The following GOLGA3 variants were observed in gnomAD, a reference collection of about 807,000 sequenced individuals.
The protein encoded by GOLGA3 is golgin subfamily A member 3.
In GOLGA3, 75 loss-of-function variants were observed where a neutral mutation model predicts 169.4. The ratio of observed to expected loss-of-function variants is 0.44; its 90% CI spans 0.37 to 0.54. The LOEUF is 0.54. Among genes scored for constraint, GOLGA3 ranks in the 20% least tolerant of loss-of-function variants. The pLI is 0.00. For missense variants in GOLGA3, 1,899 were observed against 1,930.0 expected (o/e 0.98, Z 0.30); for synonymous variants, 824 against 822.4 (o/e 1.00, Z -0.03).
At chr12:132,825,123 T>TG (rs1226548398) in intron 1 of GOLGA3, among the ~76,000 whole-genome samples, 3 of 152,162 alleles carry the variant, frequency 2.0e-5, no homozygotes, top group Non-Finnish European at 4.4e-5. Context: ...AAAGAAAACT[T>TG]GCGTTTTGCT....
chr12:132,774,428 C>T, intron 22 of GOLGA3, 108 bp from the exon 23 acceptor site: 1 of 1,299,296 alleles, frequency 7.7e-7, no homozygotes, highest in Non-Finnish European at 1.1e-6. Context: ...GACGTGGGGC[C>T]TCTGGGAAGG....
chr12:132,804,989 G>C lies in GOLGA3; in HGVS notation c.1324C>G (p.Leu442Val). Residue 442 changes from leucine to valine, a missense_variant, in exon 7 of 24, where the codon CTG becomes GTG. Leu to Val is a conservative substitution (Grantham distance 32, BLOSUM62 1). Transcript: ENST00000450791. The surrounding 1 kb of genome is among the most constrained non-coding windows in gnomAD (Gnocchi z 4.1). The stretch of plus-strand genomic sequence containing the variant: ...TGCAGCTTCGTGCTGAGGGCGGCCA[G>C]CTGGGCCTGCAGCTCAGCCTTCTCT... ...LKEKAELQAQ[L>V]AALSTKLQAQ... is the part of the protein sequence containing the mutation. 6.2e-7 allele frequency: 1 copy of C among 1,611,460 alleles called. No individual in the cohort carries two copies. Among genetic ancestry groups the C allele is most frequent in the Non-Finnish European group, 8.5e-7 (1 of 1,179,802 alleles).
chr12:132,808,481 T>C lies in GOLGA3; in HGVS notation c.588A>G (p.Glu196=). 1 of 1,614,032 alleles carries C rather than the reference T, an allele frequency of 6.2e-7. No individual in the cohort carries two copies. The highest frequency in any genetic ancestry group is 8.5e-7 in the Non-Finnish European group (1 of 1,179,936). The change falls in exon 5 of 24, where the codon GAA becomes GAG. Residue 196 remains glutamate, a synonymous_variant. Transcript: ENST00000450791. The part of the protein sequence containing the change: ...TLDPELMLNP[E]NLPRASTLAM... ...CCAGGGTACTGGCCCTTGGTAAGTTTTCTGGGTTTAACATGAGCTCAGGAT... is the reference window on the plus strand; with the variant it reads ...CCAGGGTACTGGCCCTTGGTAAGTTCTCTGGGTTTAACATGAGCTCAGGAT...
chr12:132,813,008 G>A (rs1949790811), intron 4 of GOLGA3, among the ~76,000 whole-genome samples: 1 of 152,216 alleles, frequency 6.6e-6, no homozygotes, highest in Non-Finnish European at 1.5e-5. Flanking sequence ...GTAAACTACA[G>A]TAGCGTATAC....
chr12:132,822,789 G>A (rs1950270721), intron 1 of GOLGA3, among the ~76,000 whole-genome samples: 1 of 152,172 alleles, frequency 6.6e-6, no homozygotes, highest in Admixed American at 6.5e-5. Context: ...GGGTGTGGTG[G>A]TGAACACCTG....
rs770231058 is a variant in GOLGA3 at position 132,786,696 on chromosome 12, C to T, written c.2903G>A (p.Arg968Gln). Residue 968 changes from arginine to glutamine, a missense_variant, in exon 14 of 24, where the codon CGG (arginine) becomes CAG (glutamine). Arg to Gln is a conservative substitution (Grantham distance 43). Coordinates refer to ENST00000450791, the MANE Select transcript of GOLGA3 (RefSeq NM_001389683.1). ...CCCCGGGCACATGCAGACTTACTTC[C>T]GGGCCTCTTGCTGCAACTCTTCGAT... ...KQIEELQQEA[R>Q]KAITEQKQKM... 2.7e-5 allele frequency: 43 copies of T among 1,609,036 alleles called. No homozygotes were observed. Among genetic ancestry groups the T allele is most frequent in the East Asian group, 4.5e-5 (2 of 44,670 alleles).
chr12:132,811,458 T>C (rs954559245), intron 4 of GOLGA3, among the ~76,000 whole-genome samples: 6 of 152,136 alleles, frequency 3.9e-5, no homozygotes, highest in South Asian at 2.1e-4. Context: ...AGGATAACTC[T>C]TCATTTTTCA....
intron 6 of GOLGA3, among the ~76,000 whole-genome samples, chr12:132,806,951 A>G (rs1292474586): frequency 6.6e-6 from 1 of 152,132 alleles, no homozygotes; most frequent in African/African-American, 2.4e-5. Context: ...ATATTCTGGT[A>G]GAGACGCAGG....
chr12:132,784,141 C>G, intron 16 of GOLGA3, 23 bp downstream of exon 16: 1 of 1,604,160 alleles, frequency 6.2e-7, no homozygotes, highest in African/African-American at 1.3e-5. Flanking sequence ...ACGCTGCCGC[C>G]ACAGCAGATG....
At position 132,768,970 on chromosome 12, in the gene GOLGA3, C is replaced by G. The variant is rs1235127879; in HGVS notation, c.*4135G>C. 6.5e-6 allele frequency: 1 copy of G among 152,758 alleles called. No homozygotes were observed. The highest frequency in any genetic ancestry group is 3.4e-3 in the Middle Eastern group (1 of 294). The allele number at this position is 152,758 out of a possible 1,614,324, so 9.5% of individuals were successfully genotyped here. A position where few individuals can be genotyped will look rare whatever the true frequency, so the allele number is the denominator to read the frequency against. On this transcript the variant is annotated 3_prime_UTR_variant, in exon 24 of 24. Coordinates refer to ENST00000450791, the MANE Select transcript of GOLGA3 (RefSeq NM_001389683.1). ...TTTAAGGAATTCCCAAGCACACTTA[C>G]ATTTGTAAAAAATCAACGTGCTTTT...
Position 132,795,977 on chromosome 12 carries a change from A to C in GOLGA3, c.2344T>G (p.Leu782Val). 6.2e-7 allele frequency: 1 copy of C among 1,613,842 alleles called. No individual in the cohort carries two copies. Among genetic ancestry groups the C allele is most frequent in the South Asian group, 1.1e-5 (1 of 91,082 alleles). Reference sequence around the variant, plus strand: ...TCCTTGCCACTCTTGGCCGCCTGCAAAGCCGCCTCCAAGATGATCTTCTCG... The same window carrying C: ...TCCTTGCCACTCTTGGCCGCCTGCACAGCCGCCTCCAAGATGATCTTCTCG... The part of the protein sequence containing the change: ...QNEKIILEAA[L>V]QAAKSGKEEL... The change falls in exon 11 of 24, where the codon TTG becomes GTG. Residue 782 changes from leucine to valine, a missense_variant. Physicochemically the swap from Leu to Val is conservative, Grantham distance 32 (BLOSUM62 1). Transcript: ENST00000450791.
chr12:132,812,685 T>G (rs1420400099), intron 4 of GOLGA3, among the ~76,000 whole-genome samples: 1 of 152,230 alleles, frequency 6.6e-6, no homozygotes. Context: ...AAGATGTGAC[T>G]GAATTGCTGC....
intron 1 of GOLGA3, among the ~76,000 whole-genome samples, chr12:132,823,941 G>C (rs1950315941): frequency 1.3e-5 from 2 of 152,088 alleles, no homozygotes; most frequent in South Asian, 4.1e-4. Context: ...AAATTAGCCA[G>C]GCATGGCAGC....
chr12:132,791,478 G>A (rs1254598163), intron 11 of GOLGA3, among the ~76,000 whole-genome samples, 185 bp from the exon 12 acceptor site: 2 of 152,058 alleles, frequency 1.3e-5, no homozygotes, highest in Non-Finnish European at 2.9e-5. Context: ...CATCTGCAGA[G>A]ATGTTTCACT....
At chr12:132,800,955 T>C (rs1176028692) in intron 8 of GOLGA3, among the ~76,000 whole-genome samples, 1 of 151,722 alleles carries the variant, frequency 6.6e-6, no homozygotes, top group East Asian at 1.9e-4. Flanking sequence ...TGAGACACAG[T>C]CTCAAAAAAA....
intron 2 of GOLGA3, among the ~76,000 whole-genome samples, chr12:132,821,513 A>G (rs1950212088): frequency 6.6e-6 from 1 of 152,062 alleles, no homozygotes; most frequent in Non-Finnish European, 1.5e-5. Context: ...AGTTCTGTTT[A>G]GCAGGAATGT....
intron 16 of GOLGA3, among the ~76,000 whole-genome samples, chr12:132,782,875 C>CAAA (rs63295864): frequency 9.8e-6 from 1 of 102,156 alleles, no homozygotes; most frequent in Non-Finnish European, 1.9e-5. Flanking sequence ...GACTCTGTCT[C>CAAA]AAAAAAAAAA....
In GOLGA3 at chr12:132,777,563, T is replaced by C; in HGVS notation, c.3722+103A>G. On this transcript the variant is annotated intron_variant, in intron 19 of 23. Coordinates refer to ENST00000450791, the MANE Select transcript of GOLGA3 (RefSeq NM_001389683.1). The surrounding 1 kb of genome is among the most constrained non-coding windows in gnomAD (Gnocchi z 4.7). The stretch of plus-strand genomic sequence containing the variant: ...TATGATTCACTCAAGTACTCGGCAA[T>C]TTGCAAAATATAGATGACCCTCGCT... The C allele has an allele frequency of 1.5e-6, 2 of 1,348,746 alleles. No homozygotes were observed. Among genetic ancestry groups the C allele is most frequent in the South Asian group, 1.3e-5 (1 of 74,882 alleles). 83.5% of individuals were successfully genotyped at this position (1,348,746 alleles called of 1,614,324 possible). A position where few individuals can be genotyped will look rare whatever the true frequency, so the allele number is the denominator to read the frequency against.
chr12:132,780,404 C>T (rs1008301028), intron 18 of GOLGA3, among the ~76,000 whole-genome samples: 2 of 152,164 alleles, frequency 1.3e-5, no homozygotes, highest in Non-Finnish European at 2.9e-5. Flanking sequence ...TGAAGCAGGG[C>T]AGGGGCCAGC....
Sources: gnomAD v4.1 joint callset for allele counts (sites outside exome capture counted in the v4.1 genomes callset) on GRCh38, gnomAD v4.1.1 for gene constraint, Gnocchi (gnomAD v3.1) non-coding constraint, MANE v1.5 for transcripts, NCBI Gene and HGNC (gene_info 2026-07-23, HGNC 2026-07-21) for gene names.